GRM4: variants seen among roughly 807,000 people sequenced by gnomAD.
GRM4 encodes metabotropic glutamate receptor 4.
GRM4 carries 28 observed loss-of-function variants against 81.7 expected under a neutral mutation model. That is an observed-to-expected ratio of 0.34 (90% CI 0.25 to 0.47). The LOEUF (loss-of-function observed/expected upper bound fraction) is 0.47. GRM4 is among the 20% of genes least tolerant of loss of function. The pLI is 1.00. For missense variants in GRM4, 948 were observed against 1,290.0 expected (o/e 0.73, Z 4.06); for synonymous variants, 488 against 528.8 (o/e 0.92, Z 1.06).
chr6:34,036,036 G>C lies in GRM4; in HGVS notation c.2074C>G (p.Arg692Gly), dbSNP rs778877648. Reference sequence around the variant, plus strand: ...AGCTGTGAGGCGGGGCTGATGAAGCGTGGGGCACTGACCGAGCGCTTGCCC... The same window carrying C: ...AGCTGTGAGGCGGGGCTGATGAAGCCTGGGGCACTGACCGAGCGCTTGCCC... ...EQGKRSVSAP[R>G]FISPASQLAI... The change falls in exon 9 of 11, where the codon CGC becomes GGC. Residue 692 changes from arginine to glycine, a missense_variant. Transcript: ENST00000538487. This position sits in a 1 kb window ranked among gnomAD's most constrained non-coding sequence, Gnocchi z 9.0. The C allele has an allele frequency of 6.2e-7, 1 of 1,614,150 alleles. No individual in the cohort carries two copies.
rs1042966633 is a variant in GRM4 at position 34,069,817 on chromosome 6, C to CA, written c.737-7790dup. ...ACCCATCTGGCCACGTCTGTGCCCC[C>CA]AACAGGCCTCTGCACATGCTGCTCC... On this transcript the variant is annotated intron_variant, in intron 3 of 10. Coordinates refer to ENST00000538487, the MANE Select transcript of GRM4 (RefSeq NM_000841.4). The surrounding 1 kb of genome is among the most constrained non-coding windows in gnomAD (Gnocchi z 6.4). Among the ~76,000 whole-genome samples, 5 of 152,148 alleles carry CA rather than the reference C, an allele frequency of 3.3e-5. No individual in the cohort carries two copies. The highest frequency in any genetic ancestry group is 1.2e-4 in the African/African-American group (5 of 41,422).
chr6:34,098,585 C>T lies in GRM4; in HGVS notation c.520-6486G>A, dbSNP rs192772380. 3.1e-3 allele frequency among the ~76,000 whole-genome samples: 477 copies of T among 152,340 alleles called. 4 individuals are homozygous for T. The highest frequency in any genetic ancestry group is 5.9e-3 in the Non-Finnish European group (403 of 68,018). ...CCCCCAGGGAGCAGGGGACCCTGCA[C>T]GGGGCCAGCACAAGCCCCAGGCTTG... On this transcript the variant is annotated intron_variant, in intron 2 of 10. Coordinates refer to ENST00000538487, the MANE Select transcript of GRM4 (RefSeq NM_000841.4).
chr6:34,049,271 G>T (rs144152954), intron 6 of GRM4, among the ~76,000 whole-genome samples: 2 of 152,144 alleles, frequency 1.3e-5, no homozygotes, highest in Non-Finnish European at 2.9e-5. Flanking sequence ...TCCAGCCCTT[G>T]TCTCACTTGG....
At chr6:34,053,217 C>A (rs1056982011) in intron 6 of GRM4, among the ~76,000 whole-genome samples, 1 of 152,216 alleles carries the variant, frequency 6.6e-6, no homozygotes, top group Non-Finnish European at 1.5e-5. Context: ...CAAGGTCACA[C>A]AGCAGGGAGG....
At chr6:34,039,310 T>A (rs897314167) in intron 8 of GRM4, among the ~76,000 whole-genome samples, 6 of 152,120 alleles carry the variant, frequency 3.9e-5, no homozygotes, top group African/African-American at 1.4e-4. Context: ...GGTTCCTCGC[T>A]GGAAGAGATT....
Position 34,036,415 on chromosome 6 carries a change from C to A in GRM4, c.1695G>T (p.Arg565=). 6.2e-7 allele frequency: 1 copy of A among 1,612,638 alleles called. No individual in the cohort carries two copies. Among genetic ancestry groups the A allele is most frequent in the Non-Finnish European group, 8.5e-7 (1 of 1,178,974 alleles). ...YTCKTCPYDM[R]PTENRTGCRP... is the part of the protein sequence containing the mutation. ...GGCAGCCCGTGCGGTTCTCTGTGGG[C>A]CGCATGTCATAGGGACACGTCTTAC... Residue 565 remains arginine (R), a synonymous_variant, in exon 9 of 11, where the codon CGG becomes CGT. Transcript: ENST00000538487. The surrounding 1 kb of genome is among the most constrained non-coding windows in gnomAD (Gnocchi z 9.0).
At chr6:34,075,079 G>A (rs756588022) in intron 3 of GRM4, among the ~76,000 whole-genome samples, 8 of 152,334 alleles carry the variant, frequency 5.3e-5, no homozygotes, top group Admixed American at 1.3e-4. Context: ...GGTCCCTACC[G>A]AGGTCATGCC....
chr6:34,062,145 A>C, intron 3 of GRM4, 117 bp from the exon 4 acceptor site: 9 of 1,087,316 alleles, frequency 8.3e-6, no homozygotes, highest in East Asian at 2.6e-5. Context: ...CCCCAGCCTG[A>C]CTCCCAGCCC....
intron 2 of GRM4, among the ~76,000 whole-genome samples, chr6:34,128,282 C>T (rs1000364509): frequency 2.0e-5 from 3 of 152,152 alleles, no homozygotes; most frequent in African/African-American, 7.2e-5. Context: ...GACTTAAGGC[C>T]CAGCTACAAG....
Position 34,114,428 on chromosome 6 carries a change from C to G in GRM4, c.519+18550G>C, listed in dbSNP as rs547640885. Among the ~76,000 whole-genome samples the G allele has an allele frequency of 6.6e-6, 1 of 152,224 alleles. No homozygotes were observed. The highest frequency in any genetic ancestry group is 2.1e-4 in the South Asian group (1 of 4,826). The stretch of plus-strand genomic sequence containing the variant: ...AATTGTTCTATCCATCTCCTCATCA[C>G]TCTCTCAGCTTCAGGCCTTGCCCTG... On this transcript the variant is annotated intron_variant, in intron 2 of 10. Transcript: ENST00000538487. The surrounding 1 kb of genome is among the most constrained non-coding windows in gnomAD (Gnocchi z 4.3).
intron 1 of GRM4, among the ~76,000 whole-genome samples, chr6:34,145,576 G>A (rs1770895150): frequency 6.6e-6 from 1 of 152,146 alleles, no homozygotes; most frequent in Non-Finnish European, 1.5e-5. Flanking sequence ...GCGAGCTAGA[G>A]AGCGCGCTGG....
chr6:34,120,665 C>G (rs114757482), intron 2 of GRM4, among the ~76,000 whole-genome samples: 8,199 of 152,224 alleles, frequency 0.054, 353 homozygotes, highest in East Asian at 0.12. Context: ...CACATCACCC[C>G]CTAAGCCCCA....
At chr6:34,142,915 A>G (rs749584936) in intron 1 of GRM4, among the ~76,000 whole-genome samples, 9 of 152,350 alleles carry the variant, frequency 5.9e-5, no homozygotes, top group Non-Finnish European at 1.0e-4. Flanking sequence ...CCGCCTGCTC[A>G]GGACCTGTGC....
At chr6:34,076,919 A>T (rs34191868) in intron 3 of GRM4, among the ~76,000 whole-genome samples, 9,246 of 152,040 alleles carry the variant, frequency 0.061, 651 homozygotes, top group African/African-American at 0.16. Context: ...AGGGAGGGAA[A>T]GGGGATTCCA....
chr6:34,028,159 CTCCG>C lies in GRM4; in HGVS notation c.2646_2649del (p.Asn882LysfsTer74). 6.2e-7 allele frequency: 1 copy of C among 1,613,964 alleles called. No individual in the cohort carries two copies. Among genetic ancestry groups the C allele is most frequent in the Non-Finnish European group, 8.5e-7 (1 of 1,179,966 alleles). The stretch of plus-strand genomic sequence containing the variant: ...TTCTCGCAGAGCTCAGACTTGGCCT[CTCCG>C]TTGGGCCGGAAGTTGCCCTTCTGCG... On this transcript the variant is annotated frameshift_variant, in exon 10 of 11. Coordinates refer to ENST00000538487, the MANE Select transcript of GRM4 (RefSeq NM_000841.4). LOFTEE classifies it high-confidence loss of function.
chr6:34,086,530 G>A (rs1207572796), intron 3 of GRM4, among the ~76,000 whole-genome samples: 1 of 152,224 alleles, frequency 6.6e-6, no homozygotes, highest in African/African-American at 2.4e-5. Context: ...CACACTCAGA[G>A]AGGCCATCTT....
At chr6:34,028,899 T>C (rs1314053447) in intron 9 of GRM4, among the ~76,000 whole-genome samples, 1 of 151,968 alleles carries the variant, frequency 6.6e-6, no homozygotes, top group Non-Finnish European at 1.5e-5. Context: ...CCCGCAACGG[T>C]CCCCCAGTGC....
At chr6:34,073,692 C>T (rs1311267809) in intron 3 of GRM4, among the ~76,000 whole-genome samples, 3 of 152,084 alleles carry the variant, frequency 2.0e-5, no homozygotes, top group Non-Finnish European at 4.4e-5. Context: ...AGTCACCGCA[C>T]GTGAACAAAG....
chr6:34,075,443 G>C (rs1767263527), intron 3 of GRM4, among the ~76,000 whole-genome samples: 1 of 152,066 alleles, frequency 6.6e-6, no homozygotes, highest in African/African-American at 2.4e-5. Flanking sequence ...GTCTCTATCT[G>C]CCCAACCCCA....
Sources: gnomAD v4.1 joint callset for allele counts (sites outside exome capture counted in the v4.1 genomes callset) on GRCh38, gnomAD v4.1.1 for gene constraint, Gnocchi (gnomAD v3.1) non-coding constraint, MANE v1.5 for transcripts, NCBI Gene and HGNC (gene_info 2026-07-23, HGNC 2026-07-21) for gene names.